The following USP47 variants were observed in gnomAD, a reference collection of about 807,000 sequenced individuals.
The protein encoded by USP47 is ubiquitin specific peptidase 47.
USP47 carries 35 observed loss-of-function variants against 165.1 expected under a neutral mutation model. The ratio of observed to expected loss-of-function variants is 0.21; its 90% CI spans 0.16 to 0.28. USP47 has a LOEUF of 0.28. Among genes scored for constraint, USP47 ranks in the 10% least tolerant of loss-of-function variants. The probability of loss-of-function intolerance (pLI) is 1.00; values close to 1 mark genes in which losing one functional copy is unlikely to be tolerated. For missense variants in USP47, 1,277 were observed against 1,607.4 expected (o/e 0.79, Z 3.52); for synonymous variants, 531 against 544.5 (o/e 0.98, Z 0.35).
chr11:11,952,597 G>T, intron 24 of USP47, 144 bp from the exon 25 acceptor site: 1 of 799,630 alleles, frequency 1.3e-6, no homozygotes, highest in Non-Finnish European at 1.8e-6. Context: ...AAAACTCCTT[G>T]GGATAATTGG....
intron 17 of USP47, among the ~76,000 whole-genome samples, chr11:11,937,735 T>G (rs1809251174): frequency 1.3e-5 from 2 of 151,926 alleles, no homozygotes; most frequent in African/African-American, 2.4e-5. Flanking sequence ...GCAGAATATT[T>G]TGTCAAATTT....
At chr11:11,889,366 C>A (rs545763136) in intron 3 of USP47, among the ~76,000 whole-genome samples, 2 of 152,136 alleles carry the variant, frequency 1.3e-5, no homozygotes, top group African/African-American at 4.8e-5. Flanking sequence ...AGCAAAGTCT[C>A]AGGATACAAA....
At chr11:11,953,218 A>G (rs1312935915) in intron 25 of USP47, among the ~76,000 whole-genome samples, 1 of 152,174 alleles carries the variant, frequency 6.6e-6, no homozygotes, top group African/African-American at 2.4e-5. Flanking sequence ...AACCAAATGA[A>G]GTCGAATTGT....
At position 11,956,204 on chromosome 11, in the gene USP47, G is replaced by C; in HGVS notation, c.*29G>C. 6.2e-7 allele frequency: 1 copy of C among 1,611,406 alleles called. No individual in the cohort carries two copies. Among genetic ancestry groups the C allele is most frequent in the Non-Finnish European group, 8.5e-7 (1 of 1,179,120 alleles). On this transcript the variant is annotated 3_prime_UTR_variant, in exon 28 of 28. Transcript: ENST00000527733. ...TGATAGTGTAGCATTTTCCCTGGGGGAGTTTTGGTTTTAATTAGATGGTTC... is the reference window on the plus strand; with the variant it reads ...TGATAGTGTAGCATTTTCCCTGGGGCAGTTTTGGTTTTAATTAGATGGTTC...
intron 1 of USP47, among the ~76,000 whole-genome samples, chr11:11,844,364 T>C (rs1448058892): frequency 1.3e-5 from 2 of 152,212 alleles, no homozygotes; most frequent in African/African-American, 4.8e-5. Flanking sequence ...TGTGTGATCC[T>C]TGAAGCTCCG....
chr11:11,950,050 G>A, intron 23 of USP47, 46 bp downstream of exon 23: 1 of 1,408,262 alleles, frequency 7.1e-7, no homozygotes, highest in African/African-American at 1.4e-5. Context: ...AAGACTATGT[G>A]GTCAGTTGAA....
At position 11,873,692 on chromosome 11, in the gene USP47, C is replaced by T. The variant is rs138317020; in HGVS notation, c.40-6485C>T. ...TGATGTACTAATACTTTAATTAATA[C>T]ATATTTTATTGCAAAAATGTTTTTA... On this transcript the variant is annotated intron_variant, in intron 1 of 27. Transcript: ENST00000527733. 271 of 509,736 alleles carry T rather than the reference C, an allele frequency of 5.3e-4. 2 individuals carry two copies. The East Asian group carries it at 8.7e-3, about 16-fold the overall frequency. 31.6% of individuals were successfully genotyped at this position (509,736 alleles called of 1,614,324 possible).
chr11:11,923,287 G>A (rs1853996395), intron 11 of USP47, among the ~76,000 whole-genome samples: 2 of 151,658 alleles, frequency 1.3e-5, no homozygotes, highest in South Asian at 2.1e-4. Flanking sequence ...ATATAGAAAA[G>A]TAAAATGTTG....
chr11:11,946,410 A>C (rs1044961093), intron 20 of USP47, among the ~76,000 whole-genome samples: 2 of 152,248 alleles, frequency 1.3e-5, no homozygotes, highest in Non-Finnish European at 2.9e-5. Flanking sequence ...GCACTACTAG[A>C]GGTTAGGAAA....
chr11:11,865,989 C>G (rs996465220), intron 1 of USP47, among the ~76,000 whole-genome samples: 2 of 152,050 alleles, frequency 1.3e-5, no homozygotes, highest in East Asian at 3.9e-4. Context: ...TGATAGTGCC[C>G]TTTGATGTAC....
Position 11,955,103 on chromosome 11 carries a change from G to C in USP47, c.3832G>C (p.Val1278Leu), listed in dbSNP as rs1856476776. The change falls in exon 27 of 28, where the codon GTT (valine) becomes CTT (leucine). Residue 1278 changes from valine (V) to leucine (L), a missense_variant. Around this residue, in one of 4 missense-constraint regions of USP47, gnomAD observed 909 missense variants for 1,068.1 expected, o/e 0.85. Coordinates refer to ENST00000527733, the MANE Select transcript of USP47 (RefSeq NM_001282659.2). ...IHQDLDWNPK[V>L]STLNVWPLYI... ...TCAGGATTTAGACTGGAATCCTAAAGTTTCTACCCTGAATGTCTGGCCTCT... is the reference window on the plus strand; with the variant it reads ...TCAGGATTTAGACTGGAATCCTAAACTTTCTACCCTGAATGTCTGGCCTCT... 1 of 1,613,784 alleles carries C rather than the reference G, an allele frequency of 6.2e-7. No individual in the cohort carries two copies. Among genetic ancestry groups the C allele is most frequent in the African/African-American group, 1.3e-5 (1 of 74,910 alleles).
chr11:11,950,043 A>T lies in USP47; in HGVS notation c.3464+39A>T. The T allele has an allele frequency of 2.1e-6, 3 of 1,445,676 alleles. No homozygotes were observed. The South Asian group carries it at 3.5e-5, about 17-fold the overall frequency. The allele number at this position is 1,445,676 out of a possible 1,614,324, so 89.6% of individuals were successfully genotyped here. ...AATGTCATCAGCGATTTGAAGAAAG[A>T]CTATGTGGTCAGTTGAAATGGACTG... On this transcript the variant is annotated intron_variant, in intron 23 of 27. Coordinates refer to ENST00000527733, the MANE Select transcript of USP47 (RefSeq NM_001282659.2).
chr11:11,890,702 C>T (rs992671299), intron 3 of USP47, among the ~76,000 whole-genome samples: 1 of 152,134 alleles, frequency 6.6e-6, no homozygotes, highest in Non-Finnish European at 1.5e-5. Context: ...TATAAAGATA[C>T]ATGCACTCAT....
chr11:11,904,419 T>C (rs1468472558), intron 7 of USP47, among the ~76,000 whole-genome samples: 1 of 152,236 alleles, frequency 6.6e-6, no homozygotes, highest in East Asian at 1.9e-4. Context: ...AGTACACTTA[T>C]CCTCATGCCT....
At chr11:11,955,411 A>C (rs540265388) in intron 27 of USP47, among the ~76,000 whole-genome samples, 1 of 152,362 alleles carries the variant, frequency 6.6e-6, no homozygotes, top group African/African-American at 2.4e-5. Context: ...TATGATCATT[A>C]CATGTCATCA....
chr11:11,912,701 T>C (rs553210972), intron 8 of USP47, among the ~76,000 whole-genome samples: 1 of 152,164 alleles, frequency 6.6e-6, no homozygotes, highest in Admixed American at 6.5e-5. Flanking sequence ...TTACCTGATA[T>C]TAAACCAAGA....
intron 11 of USP47, among the ~76,000 whole-genome samples, chr11:11,924,749 C>CAGTA (rs77955928): frequency 0.017 from 2,571 of 152,198 alleles, 32 homozygotes; most frequent in Middle Eastern, 0.034. Flanking sequence ...TAGAGTTGTA[C>CAGTA]AAAGTATTCT....
intron 2 of USP47, among the ~76,000 whole-genome samples, chr11:11,882,723 C>G (rs1850910903): frequency 6.6e-6 from 1 of 152,164 alleles, no homozygotes; most frequent in Admixed American, 6.6e-5. Flanking sequence ...TGCCCTTTGG[C>G]TGCACCACTT....
At chr11:11,908,897 G>GTGTCCTTGATTAAATA (rs1323795454) in intron 8 of USP47, among the ~76,000 whole-genome samples, 1 of 152,098 alleles carries the variant, frequency 6.6e-6, no homozygotes, top group Non-Finnish European at 1.5e-5. Context: ...TTTGGGGAAG[G>GTGTCCTTGATTAAATA]TGTCCTTGAT....
Sources: gnomAD v4.1 joint callset for allele counts (sites outside exome capture counted in the v4.1 genomes callset) on GRCh38, gnomAD v4.1.1 for gene constraint, gnomAD v4.1.1 regional missense constraint, MANE v1.5 for transcripts, NCBI Gene and HGNC (gene_info 2026-07-23, HGNC 2026-07-21) for gene names.